Variants in FRMD6 observed in about 807,000 individuals in gnomAD.
FRMD6 encodes the protein FERM domain-containing protein 6.
In FRMD6, 37 loss-of-function variants were observed where a neutral mutation model predicts 73.2. The ratio of observed to expected loss-of-function variants is 0.51; its 90% CI spans 0.39 to 0.66. The LOEUF is 0.66. Ranked by LOEUF, FRMD6 falls within the 30% of genes least tolerant of loss-of-function variation. The pLI is 0.00. For synonymous variants in FRMD6, 273 were observed against 282.2 expected, an observed-to-expected ratio of 0.97 and a Z score of 0.33; for missense variants, 714 against 780.5, an observed-to-expected ratio of 0.91 and a Z score of 1.02.
chr14:51,478,324 AT>A, the FRMD6 span, among the ~76,000 whole-genome samples: 2 of 152,024 alleles, frequency 1.3e-5, no homozygotes, highest in African/African-American at 2.4e-5. Context: ...TTCTCATTGG[AT>A]TTTTTTTCCA....
intron 1 of FRMD6, among the ~76,000 whole-genome samples, chr14:51,500,823 C>T (rs898419065): frequency 1.8e-4 from 27 of 152,030 alleles, no homozygotes; most frequent in African/African-American, 6.3e-4. Context: ...GCTTAAGTAT[C>T]TTGAGTTGGA....
At chr14:51,691,021 A>G (rs1023578316) in intron 2 of FRMD6, among the ~76,000 whole-genome samples, 7 of 152,184 alleles carry the variant, frequency 4.6e-5, no homozygotes, top group African/African-American at 7.2e-5. Context: ...GACCCCTCCT[A>G]GTCAATATCC....
At chr14:51,541,868 A>G (rs1566802812) in intron 1 of FRMD6, among the ~76,000 whole-genome samples, 1 of 152,032 alleles carries the variant, frequency 6.6e-6, no homozygotes, top group Non-Finnish European at 1.5e-5. Flanking sequence ...ATGGTTTCCC[A>G]TATTAAGAGG....
intron 2 of FRMD6, among the ~76,000 whole-genome samples, chr14:51,577,272 A>G (rs1190663873): frequency 4.3e-5 from 6 of 138,186 alleles, no homozygotes; most frequent in Non-Finnish European, 9.8e-5. Context: ...ACTCCAATGG[A>G]AAAAAAAAAA....
At chr14:51,589,353 T>G (rs865918706) in intron 2 of FRMD6, among the ~76,000 whole-genome samples, 1 of 37,654 alleles carries the variant, frequency 2.7e-5, no homozygotes, top group South Asian at 8.4e-4. Context: ...GTTTTTGGTT[T>G]TTTTTGTTGT....
chr14:51,532,704 A>G (rs1168251594), intron 1 of FRMD6, among the ~76,000 whole-genome samples: 2 of 152,190 alleles, frequency 1.3e-5, no homozygotes, highest in Non-Finnish European at 2.9e-5. Context: ...ACAACCACCT[A>G]CATTGACTGA....
chr14:51,429,727 C>G, the FRMD6 span, among the ~76,000 whole-genome samples: 1 of 152,140 alleles, frequency 6.6e-6, no homozygotes, highest in Non-Finnish European at 1.5e-5. Context: ...TTGGGCAAGT[C>G]ATGTATATTT....
At chr14:51,710,136 A>G (rs919651301) in intron 7 of FRMD6, among the ~76,000 whole-genome samples, 1 of 152,138 alleles carries the variant, frequency 6.6e-6, no homozygotes, top group Non-Finnish European at 1.5e-5. Context: ...CTTAATTTTC[A>G]AGTTTACTTA....
intron 1 of FRMD6, among the ~76,000 whole-genome samples, chr14:51,495,892 A>C (rs952992698): frequency 6.6e-6 from 1 of 152,300 alleles, no homozygotes; most frequent in African/African-American, 2.4e-5. Context: ...CCAAGATGTG[A>C]ACTATATTTA....
At chr14:51,490,002 C>T (rs771957769) in intron 1 of FRMD6, among the ~76,000 whole-genome samples, 3 of 152,144 alleles carry the variant, frequency 2.0e-5, no homozygotes, top group South Asian at 4.1e-4. Context: ...GAAAAGGAGA[C>T]ATTTACATAT....
the FRMD6 span, among the ~76,000 whole-genome samples, chr14:51,437,152 C>T: frequency 1.3e-5 from 2 of 152,114 alleles, no homozygotes; most frequent in South Asian, 2.1e-4. Flanking sequence ...CACCCCCCGA[C>T]AGGCCCCGGT....
intron 1 of FRMD6, 57 bp from the exon 2 acceptor site, chr14:51,689,634 G>T (rs1468905962): frequency 2.1e-5 from 12 of 572,892 alleles, no homozygotes; most frequent in Non-Finnish European, 2.5e-5. Context: ...TTCCTGACGC[G>T]CTCTTCGCAG....
chr14:51,612,742 T>C (rs982060682), intron 2 of FRMD6, among the ~76,000 whole-genome samples: 3 of 152,170 alleles, frequency 2.0e-5, no homozygotes, highest in Non-Finnish European at 2.9e-5. Context: ...AACTGTACTT[T>C]TGAAAGATCT....
chr14:51,671,004 A>G (rs931240001), intron 1 of FRMD6, among the ~76,000 whole-genome samples: 1 of 152,174 alleles, frequency 6.6e-6, no homozygotes, highest in Non-Finnish European at 1.5e-5. Flanking sequence ...TTCTGCATCT[A>G]TTGAAATGAT....
intron 1 of FRMD6, among the ~76,000 whole-genome samples, chr14:51,541,416 A>G (rs1255337540): frequency 6.6e-6 from 1 of 152,134 alleles, no homozygotes; most frequent in Non-Finnish European, 1.5e-5. Flanking sequence ...TCCTCTTCTC[A>G]TGGAGTTTAT....
At chr14:51,568,915 G>A (rs939070892) in intron 1 of FRMD6, among the ~76,000 whole-genome samples, 8 of 148,308 alleles carry the variant, frequency 5.4e-5, no homozygotes, top group South Asian at 4.3e-4. Context: ...GCGCAGTCTC[G>A]GCTCACTGCA....
At chr14:51,685,679 CCTTT>C (rs1230156547) in intron 1 of FRMD6, among the ~76,000 whole-genome samples, 1 of 152,128 alleles carries the variant, frequency 6.6e-6, no homozygotes, top group Non-Finnish European at 1.5e-5. Flanking sequence ...ATTATATCTT[CCTTT>C]GAGGTTGGCA....
At chr14:51,417,319 C>CT in the FRMD6 span, among the ~76,000 whole-genome samples, 1 of 152,164 alleles carries the variant, frequency 6.6e-6, no homozygotes, top group Non-Finnish European at 1.5e-5. Context: ...TTTAGTGCTT[C>CT]CTCAGGAGCT....
At chr14:51,657,554 G>T (rs10132283) in intron 1 of FRMD6, among the ~76,000 whole-genome samples, 1 of 151,958 alleles carries the variant, frequency 6.6e-6, no homozygotes, top group African/African-American at 2.4e-5. Flanking sequence ...TCTTTTTTCT[G>T]TTATTTCTGT....
Sources: gnomAD v4.1 joint callset for allele counts (sites outside exome capture counted in the v4.1 genomes callset) on GRCh38, gnomAD v4.1.1 for gene constraint, MANE v1.5 for transcripts, NCBI Gene and HGNC (gene_info 2026-07-23, HGNC 2026-07-21) for gene names.